The following RNLS variants were observed in gnomAD, a reference collection of about 807,000 sequenced individuals.
The protein encoded by RNLS is renalase, FAD dependent amine oxidase, also known as renalase.
RNLS carries 39 observed loss-of-function variants against 39.8 expected under a neutral mutation model. The observed-to-expected ratio is 0.98, with a 90% CI of 0.76 to 1.28. RNLS has a LOEUF of 1.28. Among genes scored for constraint, RNLS ranks in the 50% most tolerant of loss-of-function variants. The pLI, the probability that RNLS is intolerant of heterozygous loss-of-function variation, is 0.00. For missense variants in RNLS, 410 were observed against 413.3 expected, an observed-to-expected ratio of 0.99 and a Z score of 0.07; for synonymous variants, 147 against 150.7, an observed-to-expected ratio of 0.98 and a Z score of 0.18.
intron 4 of RNLS, among the ~76,000 whole-genome samples, chr10:88,457,738 C>G (rs1176677285): frequency 1.3e-5 from 2 of 152,196 alleles, no homozygotes; most frequent in African/African-American, 4.8e-5. Flanking sequence ...TGTGAAATCC[C>G]TCTCCTCTGA....
At chr10:88,200,506 T>C in the RNLS span, among the ~76,000 whole-genome samples, 1 of 152,218 alleles carries the variant, frequency 6.6e-6, no homozygotes, top group Non-Finnish European at 1.5e-5. Context: ...CCACATTGCT[T>C]TCTTACTGCT....
At chr10:88,356,967 G>A (rs897673456) in intron 5 of RNLS, among the ~76,000 whole-genome samples, 2 of 152,072 alleles carry the variant, frequency 1.3e-5, no homozygotes, top group African/African-American at 4.8e-5. Context: ...TCATTTTCAG[G>A]GTTGCTTACT....
chr10:88,305,070 A>G (rs148614466), intron 6 of RNLS, among the ~76,000 whole-genome samples: 1 of 152,340 alleles, frequency 6.6e-6, no homozygotes, highest in East Asian at 1.9e-4. Context: ...ATTCCAACCC[A>G]GAATTTCATA....
intron 6 of RNLS, among the ~76,000 whole-genome samples, chr10:88,291,706 T>A (rs1449114712): frequency 6.6e-6 from 1 of 152,176 alleles, no homozygotes; most frequent in Non-Finnish European, 1.5e-5. Flanking sequence ...CTTTACTGTT[T>A]TTTTTCTCTC....
chr10:88,352,854 A>T (rs1221844753), intron 5 of RNLS, among the ~76,000 whole-genome samples: 1 of 152,158 alleles, frequency 6.6e-6, no homozygotes, highest in Admixed American at 6.5e-5. Context: ...TTGGTAAGCT[A>T]TTAATTATTG....
the RNLS span, among the ~76,000 whole-genome samples, chr10:88,223,159 C>G: frequency 1.3e-5 from 2 of 152,242 alleles, no homozygotes; most frequent in Non-Finnish European, 2.9e-5. Context: ...CACAATCTCC[C>G]CCATCCTCCT....
At position 88,582,820 on chromosome 10, in the gene RNLS, G is replaced by C. The variant is rs1048869664; in HGVS notation, c.118+253C>G. 4.6e-5 allele frequency among the ~76,000 whole-genome samples: 7 copies of C among 152,208 alleles called. No individual in the cohort carries two copies. The East Asian group carries it at 1.3e-3, about 29-fold the overall frequency. On this transcript the variant is annotated intron_variant, in intron 1 of 6. Transcript: ENST00000331772. ...GCTGTCTCAGGTCTCCCTCTGTAGA[G>C]CGCGGGGTACTCCTGCCGGGCCCCC...
At chr10:88,252,763 C>T in the RNLS span, among the ~76,000 whole-genome samples, 1 of 152,182 alleles carries the variant, frequency 6.6e-6, no homozygotes, top group Non-Finnish European at 1.5e-5. Context: ...ATACACAGCT[C>T]CTATCACACT....
At chr10:88,278,174 G>A (rs1007337504) in intron 6 of RNLS, among the ~76,000 whole-genome samples, 2 of 152,050 alleles carry the variant, frequency 1.3e-5, no homozygotes, top group Non-Finnish European at 2.9e-5. Flanking sequence ...GTGCTGTTCA[G>A]CCATAATGGT....
chr10:88,446,782 G>GA (rs2133875142), intron 4 of RNLS, among the ~76,000 whole-genome samples: 1 of 152,200 alleles, frequency 6.6e-6, no homozygotes, highest in African/African-American at 2.4e-5. Flanking sequence ...CTGGCAAACT[G>GA]AATCCAGCAA....
intron 4 of RNLS, among the ~76,000 whole-genome samples, chr10:88,448,958 T>C (rs112342655): frequency 3.1e-4 from 47 of 152,112 alleles, no homozygotes; most frequent in African/African-American, 5.5e-4. Flanking sequence ...ATGAGAACAC[T>C]TGGACACAGG....
At chr10:88,262,558 CAGGGG>C in the RNLS span, among the ~76,000 whole-genome samples, 1 of 152,088 alleles carries the variant, frequency 6.6e-6, no homozygotes, top group Non-Finnish European at 1.5e-5. Context: ...TACTAGTTTT[CAGGGG>C]TAGTATATCT....
chr10:88,259,930 C>T, the RNLS span, among the ~76,000 whole-genome samples: 4 of 152,044 alleles, frequency 2.6e-5, no homozygotes, highest in South Asian at 2.1e-4. Flanking sequence ...TTAGTAGAGA[C>T]GGGGTTTCAC....
At chr10:88,513,148 A>T (rs1033956590) in intron 4 of RNLS, among the ~76,000 whole-genome samples, 3 of 152,144 alleles carry the variant, frequency 2.0e-5, no homozygotes, top group African/African-American at 7.2e-5. Flanking sequence ...ACCAGAGGCT[A>T]TATTTTTTCC....
the RNLS span, among the ~76,000 whole-genome samples, chr10:88,237,421 T>C: frequency 6.6e-6 from 1 of 152,120 alleles, no homozygotes; most frequent in Middle Eastern, 3.2e-3. Flanking sequence ...CTCTGTCTAC[T>C]ACAGAAATGG....
the RNLS span, among the ~76,000 whole-genome samples, chr10:88,245,182 C>T: frequency 6.6e-6 from 1 of 152,334 alleles, no homozygotes; most frequent in African/African-American, 2.4e-5. Flanking sequence ...TTGTGAAGAG[C>T]ACTGAAGAAG....
chr10:88,324,697 G>A (rs1428927204), intron 5 of RNLS, among the ~76,000 whole-genome samples: 1 of 152,040 alleles, frequency 6.6e-6, no homozygotes, highest in Non-Finnish European at 1.5e-5. Context: ...ATCTGCACAG[G>A]TGCCACCTGA....
At chr10:88,518,035 G>A (rs1279518478) in intron 4 of RNLS, among the ~76,000 whole-genome samples, 2 of 151,882 alleles carry the variant, frequency 1.3e-5, no homozygotes, top group Non-Finnish European at 2.9e-5. Flanking sequence ...CATGGTAAGA[G>A]AGATTTCTCT....
At chr10:88,225,880 C>T in the RNLS span, among the ~76,000 whole-genome samples, 3 of 151,902 alleles carry the variant, frequency 2.0e-5, no homozygotes, top group Middle Eastern at 3.4e-3. Context: ...AAATGAAATG[C>T]GCTTAGCTAT....
Sources: gnomAD v4.1 joint callset for allele counts (sites outside exome capture counted in the v4.1 genomes callset) on GRCh38, gnomAD v4.1.1 for gene constraint, MANE v1.5 for transcripts, NCBI Gene and HGNC (gene_info 2026-07-23, HGNC 2026-07-21) for gene names.